Variants in RNF213 observed in about 807,000 individuals in gnomAD.
RNF213 encodes ring finger protein 213.
In RNF213, 341 loss-of-function variants were observed where a neutral mutation model predicts 514.4. The ratio of observed to expected loss-of-function variants is 0.66; its 90% confidence interval spans 0.61 to 0.73. The LOEUF is 0.73. Ranked by LOEUF, RNF213 falls within the 30% of genes least tolerant of loss-of-function variation. The pLI is 0.00. For synonymous variants in RNF213, 2,655 were observed against 2,658.2 expected, an observed-to-expected ratio of 1.00 and a Z score of 0.04; for missense variants, 5,767 against 6,615.6, an observed-to-expected ratio of 0.87 and a Z score of 4.45.
chr17:80,264,963 G>A lies in RNF213; in HGVS notation c.97+1185G>A, dbSNP rs1388383402. Among the ~76,000 whole-genome samples the A allele has an allele frequency of 1.3e-5, 2 of 151,384 alleles. No homozygotes were observed. Among genetic ancestry groups the A allele is most frequent in the Admixed American group, 6.6e-5 (1 of 15,210 alleles). ...CTGGCTCCCTCCTTCCCCTCTTTCA[G>A]TCTTTGCCCAGCTGCTCGCCATGGG... On this transcript the variant is annotated intron_variant, in intron 2 of 67. Coordinates refer to ENST00000582970, the MANE Select transcript of RNF213 (RefSeq NM_001256071.3). The surrounding 1 kb of genome is among the most constrained non-coding windows in gnomAD (Gnocchi z 5.0).
chr17:80,352,550 A>G (rs1451494182), intron 32 of RNF213: 2 of 549,108 alleles, frequency 3.6e-6, no homozygotes, highest in East Asian at 2.9e-5. Context: ...CAGAAACAGG[A>G]AAGTAAGTTT....
chr17:80,386,309 G>T lies in RNF213; in HGVS notation c.14599G>T (p.Glu4867Ter). The change falls in exon 62 of 68, where the codon GAG becomes TAG. Residue 4867 changes from glutamate (E) to a stop codon, truncating the protein, a stop_gained. Transcript: ENST00000582970. LOFTEE classifies it high-confidence loss of function. ...TGACTTGGATCTGGACACTGAGTTT[G>T]AGATCCTCTTGCCACGCCGACGGGG... ...STDLDLDTEF[E>*]ILLPRRRGLG... 6.2e-7 allele frequency: 1 copy of T among 1,613,572 alleles called. No homozygotes were observed. Among genetic ancestry groups the T allele is most frequent in the Non-Finnish European group, 8.5e-7 (1 of 1,179,970 alleles).
intron 17 of RNF213, among the ~76,000 whole-genome samples, chr17:80,322,160 C>CTT (rs60209216): frequency 2.0e-5 from 2 of 99,446 alleles, no homozygotes; most frequent in East Asian, 3.9e-4. Flanking sequence ...CCCACCCCCC[C>CTT]TTTTTTTTTT....
chr17:80,336,440 G>C (rs1421861647), intron 23 of RNF213, 62 bp downstream of exon 23: 10 of 1,409,530 alleles, frequency 7.1e-6, no homozygotes, highest in Non-Finnish European at 8.7e-6. Context: ...AGCAACGTTA[G>C]GGCAGTGACT....
intron 59 of RNF213, among the ~76,000 whole-genome samples, chr17:80,384,488 C>A (rs2080154551): frequency 6.6e-6 from 1 of 152,188 alleles, no homozygotes; most frequent in Non-Finnish European, 1.5e-5. Flanking sequence ...ACATTTCTCT[C>A]CATGGACTAT....
chr17:80,273,110 A>G, intron 2 of RNF213, 131 bp from the exon 3 acceptor site: 2 of 1,222,404 alleles, frequency 1.6e-6, no homozygotes, highest in Middle Eastern at 2.2e-4. Context: ...TCATGTTAGC[A>G]GGCCCAATGC....
intron 6 of RNF213, among the ~76,000 whole-genome samples, chr17:80,290,365 G>C (rs776691290): frequency 6.6e-6 from 1 of 151,166 alleles, no homozygotes; most frequent in Non-Finnish European, 1.5e-5. Context: ...GTATGTGTGC[G>C]TGTGTGAGTG....
At position 80,274,572 on chromosome 17, in the gene RNF213, C is replaced by T. The variant is rs182216068; in HGVS notation, c.261+1168C>T. Among the ~76,000 whole-genome samples the T allele has an allele frequency of 6.1e-3, 298 of 48,980 alleles. 5 individuals are homozygous for T. The highest frequency in any genetic ancestry group is 0.023 in the African/African-American group (283 of 12,058). The allele number at this position is 48,980 out of a possible 152,430, so 32.1% of individuals were successfully genotyped here. On this transcript the variant is annotated intron_variant, in intron 3 of 67. Coordinates refer to ENST00000582970, the MANE Select transcript of RNF213 (RefSeq NM_001256071.3). ...GCTATGGTGGGAAGTGATGCAGCCGCAGTGCTGTGGTCTGTGGGGGGTGAG... is the reference window on the plus strand; with the variant it reads ...GCTATGGTGGGAAGTGATGCAGCCGTAGTGCTGTGGTCTGTGGGGGGTGAG...
chr17:80,290,325 G>A (rs2044649104), intron 6 of RNF213, among the ~76,000 whole-genome samples: 1 of 152,076 alleles, frequency 6.6e-6, no homozygotes. Flanking sequence ...GTGCGTTCAC[G>A]TGTGTGTGCG....
In RNF213 at chr17:80,396,198, G is replaced by A. The variant is rs1228682975; in HGVS notation, c.*2700G>A. 1.3e-5 allele frequency: 2 copies of A among 152,120 alleles called. No homozygotes were observed. Among genetic ancestry groups the A allele is most frequent in the African/African-American group, 4.8e-5 (2 of 41,362 alleles). 9.4% of individuals were successfully genotyped at this position (152,120 alleles called of 1,614,324 possible). Reference sequence around the variant, plus strand: ...GATTGCTTGAGCCTGGGAGTTTGAGGCTGCAGTGAGCTATGATTGCACCAC... The same window carrying A: ...GATTGCTTGAGCCTGGGAGTTTGAGACTGCAGTGAGCTATGATTGCACCAC... On this transcript the variant is annotated 3_prime_UTR_variant, in exon 68 of 68. Coordinates refer to ENST00000582970, the MANE Select transcript of RNF213 (RefSeq NM_001256071.3).
Position 80,319,301 on chromosome 17 carries a change from T to C in RNF213, c.3013T>C (p.Ser1005Pro). ...FEKCIIEAVS[S>P]ACQSQTSILQ... ...GAAATGCATCATTGAAGCCGTGAGC[T>C]CAGCCTGCCAGGTGAACAATCTCTC... Residue 1005 changes from serine (S) to proline (P), a missense_variant, in exon 17 of 68, where the codon TCA becomes CCA. Physicochemically the swap from Ser to Pro is moderately conservative, Grantham distance 74. Transcript: ENST00000582970. The C allele has an allele frequency of 6.2e-7, 1 of 1,614,120 alleles. No individual in the cohort carries two copies. The highest frequency in any genetic ancestry group is 8.5e-7 in the Non-Finnish European group (1 of 1,180,034).
At chr17:80,361,668 C>A in intron 38 of RNF213, 66 bp from the exon 39 acceptor site, 1 of 1,593,896 alleles carries the variant, frequency 6.3e-7, no homozygotes, top group Non-Finnish European at 8.6e-7. Context: ...TCCGGAGCCC[C>A]CTGGAGGCAG....
At chr17:80,390,666 G>GA (rs2080429101) in intron 67 of RNF213, among the ~76,000 whole-genome samples, 1 of 152,058 alleles carries the variant, frequency 6.6e-6, no homozygotes, top group Admixed American at 6.6e-5. Context: ...CAAAGTGCTA[G>GA]AATGAAAAGG....
chr17:80,354,259 T>C, intron 35 of RNF213, 93 bp downstream of exon 35: 2 of 1,521,158 alleles, frequency 1.3e-6, no homozygotes, highest in Non-Finnish European at 1.8e-6. Flanking sequence ...GGACACCCTC[T>C]CAGGTTTCCA....
Position 80,268,015 on chromosome 17 carries a change from T to C in RNF213, c.97+4237T>C, listed in dbSNP as rs567596807. Among the ~76,000 whole-genome samples, 5 of 152,038 alleles carry C rather than the reference T, an allele frequency of 3.3e-5. No homozygotes were observed. In the South Asian group the frequency reaches 1.0e-3, roughly 32 times the overall value. ...TGTATTTTTTATTAGAGATAGGGTTTCTCCATATTAGCATTGCTGGTCTCC... is the reference window on the plus strand; with the variant it reads ...TGTATTTTTTATTAGAGATAGGGTTCCTCCATATTAGCATTGCTGGTCTCC... On this transcript the variant is annotated intron_variant, in intron 2 of 67. Coordinates refer to ENST00000582970, the MANE Select transcript of RNF213 (RefSeq NM_001256071.3).
At chr17:80,372,755 T>A (rs777564328) in intron 48 of RNF213, 21 bp downstream of exon 48, 2 of 1,609,426 alleles carry the variant, frequency 1.2e-6, no homozygotes, top group South Asian at 1.1e-5. Flanking sequence ...TCTGCCTTGC[T>A]TTCCTTTGGG....
intron 15 of RNF213, among the ~76,000 whole-genome samples, chr17:80,313,642 T>C (rs573821057): frequency 0.031 from 4,466 of 145,488 alleles, 267 homozygotes; most frequent in African/African-American, 0.11. Context: ...ATGGTGGTGA[T>C]GGTGATGGTT....
At chr17:80,360,276 G>GCAGAT in intron 38 of RNF213, 70 bp downstream of exon 38, 3 of 1,523,196 alleles carry the variant, frequency 2.0e-6, no homozygotes, top group Non-Finnish European at 1.8e-6. Flanking sequence ...ACAGTGAAAA[G>GCAGAT]CAGATGGGTG....
chr17:80,278,985 C>T lies in RNF213; in HGVS notation c.261+5581C>T, dbSNP rs753272240. On this transcript the variant is annotated intron_variant, in intron 3 of 67. Transcript: ENST00000582970. ...CTGGCACAGCCTGGCACGGCCACCT[C>T]GCACTTCCGGCCCTTGAGTCCCTGC... is the stretch of plus-strand genomic sequence containing the variant. 98 of 1,516,470 alleles carry T rather than the reference C, an allele frequency of 6.5e-5. 1 individual carries two copies. Among genetic ancestry groups the T allele is most frequent in the Non-Finnish European group, 7.9e-5 (89 of 1,132,302 alleles). 93.9% of individuals were successfully genotyped at this position (1,516,470 alleles called of 1,614,324 possible). A position where few individuals can be genotyped will look rare whatever the true frequency, so the allele number is the denominator to read the frequency against.
Sources: allele counts gnomAD v4.1 joint callset (sites outside exome capture counted in the v4.1 genomes callset), GRCh38; gene constraint gnomAD v4.1.1; non-coding constraint Gnocchi (gnomAD v3.1); transcripts MANE v1.5; gene names NCBI Gene and HGNC (gene_info 2026-07-23, HGNC 2026-07-21).